The following C16orf96 variants were observed in gnomAD, a reference collection of about 807,000 sequenced individuals.
The protein encoded by C16orf96 is uncharacterized protein C16orf96.
C16orf96 carries 108 observed loss-of-function variants against 103.6 expected under a neutral mutation model. That is an observed-to-expected ratio of 1.04 (90% confidence interval 0.89 to 1.22). The LOEUF is 1.22. Among genes scored for constraint, C16orf96 ranks in the 50% most tolerant of loss-of-function variants. C16orf96 has a pLI of 0.00. For synonymous variants in C16orf96, 566 were observed against 593.5 expected (o/e 0.95, Z 0.67); for missense variants, 1,586 against 1,464.2 (o/e 1.08, Z -1.36).
chr16:4,586,252 C>T (rs1199628366), intron 7 of C16orf96, among the ~76,000 whole-genome samples: 2 of 152,166 alleles, frequency 1.3e-5, no homozygotes, highest in Non-Finnish European at 2.9e-5. Flanking sequence ...AGAGCAGATT[C>T]TGTAAAAAAC....
At chr16:4,549,333 C>T in the C16orf96 span, among the ~76,000 whole-genome samples, 3 of 151,910 alleles carry the variant, frequency 2.0e-5, no homozygotes, top group South Asian at 2.1e-4. Flanking sequence ...ATTAGCCAGG[C>T]GTGGTGGCGG....
intron 2 of C16orf96, among the ~76,000 whole-genome samples, chr16:4,573,219 C>A (rs1297402839): frequency 6.6e-6 from 1 of 152,048 alleles, no homozygotes; most frequent in African/African-American, 2.4e-5. Context: ...AGGCGGATCA[C>A]CTGAGGTCAG....
intron 7 of C16orf96, among the ~76,000 whole-genome samples, chr16:4,582,577 T>C (rs1362617683): frequency 6.6e-6 from 1 of 152,086 alleles, no homozygotes; most frequent in Non-Finnish European, 1.5e-5. Context: ...CTGGAGATGC[T>C]GGGCCGAGTG....
At chr16:4,546,701 A>G in the C16orf96 span, among the ~76,000 whole-genome samples, 1 of 151,940 alleles carries the variant, frequency 6.6e-6, no homozygotes, top group East Asian at 1.9e-4. Context: ...CCTGGGCTCA[A>G]GCAGTCCTCC....
intron 11 of C16orf96, 128 bp downstream of exon 11, chr16:4,592,495 C>T (rs2141758699): frequency 1.8e-6 from 2 of 1,115,884 alleles, no homozygotes; most frequent in Admixed American, 2.1e-5. Context: ...ACAGCATTCT[C>T]TCCAGCCATC....
At chr16:4,572,925 G>A (rs1356125701) in intron 2 of C16orf96, among the ~76,000 whole-genome samples, 1 of 152,138 alleles carries the variant, frequency 6.6e-6, no homozygotes, top group Admixed American at 6.6e-5. Flanking sequence ...GGGGTCTGAA[G>A]CCAGCTCTCC....
At chr16:4,542,676 T>C in the C16orf96 span, among the ~76,000 whole-genome samples, 1 of 151,908 alleles carries the variant, frequency 6.6e-6, no homozygotes, top group Non-Finnish European at 1.5e-5. Flanking sequence ...CAGGCGCCTG[T>C]AATCCCAGCT....
chr16:4,593,704 G>A lies in C16orf96; in HGVS notation c.2867+388G>A, dbSNP rs571218014. ...GTGCCCGGCAGGCACTGTGCCAAGCGCTGGGGCTCACCTGGCCTTGTTGAG... is the reference window on the plus strand; with the variant it reads ...GTGCCCGGCAGGCACTGTGCCAAGCACTGGGGCTCACCTGGCCTTGTTGAG... On this transcript the variant is annotated intron_variant, in intron 12 of 15. Coordinates refer to ENST00000444310, the MANE Select transcript of C16orf96 (RefSeq NM_001145011.2). The surrounding 1 kb of genome is among the most constrained non-coding windows in gnomAD (Gnocchi z 4.2). Among the ~76,000 whole-genome samples, 1 of 152,256 alleles carries A rather than the reference G, an allele frequency of 6.6e-6. No homozygotes were observed. The highest frequency in any genetic ancestry group is 2.1e-4 in the South Asian group (1 of 4,824).
chr16:4,564,765 C>G (rs1314721019), intron 1 of C16orf96, among the ~76,000 whole-genome samples: 1 of 152,102 alleles, frequency 6.6e-6, no homozygotes, highest in Non-Finnish European at 1.5e-5. Context: ...GAACCGAGAT[C>G]GCGCCGCTGC....
At position 4,592,305 on chromosome 16, in the gene C16orf96, G is replaced by A; in HGVS notation, c.2712G>A (p.Arg904=). The change falls in exon 11 of 16, where the codon AGG becomes AGA. Residue 904 remains arginine, a splice_region_variant and synonymous_variant. Transcript: ENST00000444310. ...CGGCTGATGATCATGTGCCTTTCAGGAAGCTGTTCAAGCGCGTGAAGTGCA... is the reference window on the plus strand; with the variant it reads ...CGGCTGATGATCATGTGCCTTTCAGAAAGCTGTTCAAGCGCGTGAAGTGCA... The part of the protein sequence containing the change: ...LDPDSAAGFR[R]KLFKRVKCIS... The A allele has an allele frequency of 6.4e-7, 1 of 1,551,648 alleles. No homozygotes were observed. The highest frequency in any genetic ancestry group is 1.2e-5 in the South Asian group (1 of 84,068).
intron 8 of C16orf96, among the ~76,000 whole-genome samples, chr16:4,587,529 C>CAAAAAA (rs59504956): frequency 8.4e-6 from 1 of 118,660 alleles, no homozygotes; most frequent in Non-Finnish European, 1.7e-5. Flanking sequence ...AACTCTGTCT[C>CAAAAAA]AAAAAAAAAA....
intron 6 of C16orf96, among the ~76,000 whole-genome samples, 194 bp from the exon 7 acceptor site, chr16:4,579,821 G>A (rs952640221): frequency 6.6e-6 from 1 of 152,068 alleles, no homozygotes; most frequent in South Asian, 2.1e-4. Context: ...GTGTTGGGCA[G>A]GCTGGTCTCG....
intron 15 of C16orf96, 89 bp from the exon 16 acceptor site, chr16:4,600,011 C>T: frequency 7.7e-7 from 1 of 1,299,296 alleles, no homozygotes; most frequent in African/African-American, 1.5e-5. Flanking sequence ...CTGGGCTTCT[C>T]TTCTCTTTAG....
intron 6 of C16orf96, 106 bp from the exon 7 acceptor site, chr16:4,579,909 C>A: frequency 1.1e-6 from 1 of 943,730 alleles, no homozygotes; most frequent in Non-Finnish European, 1.6e-6. Flanking sequence ...CCACGCCCAG[C>A]CTGGTCTGGT....
Position 4,600,499 on chromosome 16 carries a change from A to ACCCC in C16orf96, c.*182_*183insCCCC. ...GGCTGAGGCTCATGCGCCCCCCCCC[A>ACCCC]TCCCTACCAAGTCCCCTCCACGTCC... On this transcript the variant is annotated 3_prime_UTR_variant, in exon 16 of 16. Coordinates refer to ENST00000444310, the MANE Select transcript of C16orf96 (RefSeq NM_001145011.2). The ACCCC allele has an allele frequency of 5.3e-5, 18 of 339,426 alleles. No homozygotes were observed. The highest frequency in any genetic ancestry group is 1.7e-4 in the South Asian group (7 of 40,156). 21.0% of individuals were successfully genotyped at this position (339,426 alleles called of 1,614,324 possible).
chr16:4,588,028 C>T, intron 8 of C16orf96, 139 bp from the exon 9 acceptor site: 1 of 755,306 alleles, frequency 1.3e-6, no homozygotes, highest in Non-Finnish European at 2.1e-6. Context: ...TCCACGTAGA[C>T]CCCAGGGTTG....
intron 9 of C16orf96, among the ~76,000 whole-genome samples, chr16:4,588,761 A>G (rs966078061): frequency 6.9e-6 from 1 of 145,360 alleles, no homozygotes; most frequent in African/African-American, 2.6e-5. Flanking sequence ...TGCCCCATAC[A>G]TAGTCAATAA....
intron 15 of C16orf96, 117 bp from the exon 16 acceptor site, chr16:4,599,983 T>C: frequency 9.4e-7 from 1 of 1,066,980 alleles, no homozygotes; most frequent in East Asian, 2.6e-5. Flanking sequence ...GGCCATGGCC[T>C]GTACAGCACT....
intron 12 of C16orf96, 124 bp from the exon 13 acceptor site, chr16:4,594,227 C>T: frequency 1.7e-6 from 2 of 1,160,532 alleles, no homozygotes; most frequent in Non-Finnish European, 2.4e-6. Flanking sequence ...CCTGGCTGTG[C>T]CAGCTAAACA....
Sources: gnomAD v4.1 joint callset for allele counts (sites outside exome capture counted in the v4.1 genomes callset) on GRCh38, gnomAD v4.1.1 for gene constraint, Gnocchi (gnomAD v3.1) non-coding constraint, MANE v1.5 for transcripts, NCBI Gene and HGNC (gene_info 2026-07-23, HGNC 2026-07-21) for gene names.